The following NBAS variants were observed in gnomAD, a reference collection of about 807,000 sequenced individuals.
The protein encoded by NBAS is NBAS subunit of NRZ tethering complex, also known as NAG/BC035112 fusion.
In NBAS, 219 loss-of-function variants were observed where a neutral mutation model predicts 302.5. That is an observed-to-expected ratio of 0.72 (90% CI 0.65 to 0.81). The LOEUF is 0.81. NBAS is among the 30% of genes least tolerant of loss of function. The pLI, the probability that NBAS is intolerant of heterozygous loss-of-function variation, is 0.00. For synonymous variants in NBAS, 1,118 were observed against 1,021.6 expected, an observed-to-expected ratio of 1.09 and a Z score of -1.80; for missense variants, 2,932 against 2,841.6, an observed-to-expected ratio of 1.03 and a Z score of -0.72.
At chr2:15,278,110 C>T (rs1471471156) in intron 42 of NBAS, among the ~76,000 whole-genome samples, 2 of 152,108 alleles carry the variant, frequency 1.3e-5, no homozygotes, top group African/African-American at 2.4e-5. Flanking sequence ...AACTTGTTTA[C>T]TGAAAGTGCC....
intron 41 of NBAS, among the ~76,000 whole-genome samples, chr2:15,290,574 C>G (rs1366753534): frequency 6.6e-6 from 1 of 152,114 alleles, no homozygotes; most frequent in Non-Finnish European, 1.5e-5. Context: ...GAACATGGCA[C>G]CAAGGATTAC....
At chr2:15,098,590 A>ATGTATTATATATTG in the NBAS span, among the ~76,000 whole-genome samples, 1 of 115,974 alleles carries the variant, frequency 8.6e-6, no homozygotes, top group Non-Finnish European at 1.6e-5. Flanking sequence ...ATTATATATT[A>ATGTATTATATATTG]TATATATTAT....
At chr2:14,866,103 T>C in the NBAS span, among the ~76,000 whole-genome samples, 1 of 152,136 alleles carries the variant, frequency 6.6e-6, no homozygotes, top group East Asian at 1.9e-4. Context: ...TGACATCTAT[T>C]AGTTCACATC....
At chr2:15,485,456 T>C (rs184550221) in intron 12 of NBAS, among the ~76,000 whole-genome samples, 6 of 152,340 alleles carry the variant, frequency 3.9e-5, no homozygotes, top group African/African-American at 1.4e-4. Context: ...TTCTTCCACT[T>C]ATCTTTTTGT....
the NBAS span, among the ~76,000 whole-genome samples, chr2:15,098,341 A>C: frequency 1.6e-3 from 18 of 11,442 alleles, 2 homozygotes; most frequent in South Asian, 0.012. Flanking sequence ...ATTGTATATA[A>C]TATATAATAT....
At chr2:15,323,655 A>G (rs1429860127) in intron 38 of NBAS, among the ~76,000 whole-genome samples, 4 of 151,802 alleles carry the variant, frequency 2.6e-5, no homozygotes, top group Admixed American at 1.3e-4. Context: ...ACACGAGGAG[A>G]CTCTGTCTCT....
chr2:14,849,594 T>A, the NBAS span, among the ~76,000 whole-genome samples: 1 of 147,014 alleles, frequency 6.8e-6, no homozygotes, highest in Non-Finnish European at 1.5e-5. Context: ...ACAAAGATAC[T>A]CCTCGAGAAG....
intron 7 of NBAS, 59 bp downstream of exon 7, chr2:15,539,164 G>T: frequency 6.2e-7 from 1 of 1,601,552 alleles, no homozygotes; most frequent in Admixed American, 1.7e-5. Context: ...TTTTATTCAA[G>T]TACCTATACA....
chr2:14,920,104 A>G, the NBAS span, among the ~76,000 whole-genome samples: 1 of 152,226 alleles, frequency 6.6e-6, no homozygotes, highest in Non-Finnish European at 1.5e-5. Context: ...ATAAGACTTG[A>G]AAGTCAAAAT....
At chr2:14,782,759 T>C in the NBAS span, among the ~76,000 whole-genome samples, 2 of 152,262 alleles carry the variant, frequency 1.3e-5, no homozygotes, top group East Asian at 3.9e-4. Flanking sequence ...ATATACACCA[T>C]GGAATACTAC....
At chr2:15,544,884 G>A (rs1438561480) in intron 6 of NBAS, among the ~76,000 whole-genome samples, 2 of 151,994 alleles carry the variant, frequency 1.3e-5, no homozygotes, top group Non-Finnish European at 2.9e-5. Context: ...TGTGGTGCAC[G>A]CCTGTGATCC....
At chr2:15,027,683 A>AT in the NBAS span, among the ~76,000 whole-genome samples, 2 of 152,204 alleles carry the variant, frequency 1.3e-5, no homozygotes, top group Non-Finnish European at 2.9e-5. Context: ...AACGAAGGGA[A>AT]TAGTAGGCTT....
At chr2:14,993,886 A>G in the NBAS span, among the ~76,000 whole-genome samples, 1 of 152,236 alleles carries the variant, frequency 6.6e-6, no homozygotes, top group Admixed American at 6.5e-5. Flanking sequence ...ACACCAACAC[A>G]GTTCCATTCA....
intron 11 of NBAS, among the ~76,000 whole-genome samples, chr2:15,501,267 C>A (rs180845722): frequency 6.7e-6 from 1 of 149,636 alleles, no homozygotes; most frequent in Non-Finnish European, 1.5e-5. Context: ...GGCAACAGAG[C>A]GACACTCTGC....
chr2:15,453,882 G>A (rs937879417), intron 21 of NBAS, among the ~76,000 whole-genome samples: 10 of 151,984 alleles, frequency 6.6e-5, no homozygotes, highest in East Asian at 1.9e-4. Flanking sequence ...GGGGTCAAGC[G>A]ATTCTCCTGC....
chr2:15,157,535 C>G, the NBAS span, among the ~76,000 whole-genome samples: 1 of 152,338 alleles, frequency 6.6e-6, no homozygotes, highest in East Asian at 1.9e-4. Flanking sequence ...TGCTCCCCAC[C>G]ACCCAGAATT....
At chr2:15,423,799 T>A (rs774811879) in intron 23 of NBAS, among the ~76,000 whole-genome samples, 3 of 152,242 alleles carry the variant, frequency 2.0e-5, no homozygotes, top group Non-Finnish European at 4.4e-5. Flanking sequence ...ACTCTAAGGT[T>A]CAGTATAATC....
the NBAS span, among the ~76,000 whole-genome samples, chr2:15,032,314 A>G: frequency 2.0e-5 from 3 of 152,192 alleles, no homozygotes; most frequent in South Asian, 6.2e-4. Flanking sequence ...TTATGAAGAA[A>G]CTTTTAAAAG....
At chr2:14,869,132 TACTA>T in the NBAS span, among the ~76,000 whole-genome samples, 1 of 152,224 alleles carries the variant, frequency 6.6e-6, no homozygotes, top group African/African-American at 2.4e-5. Flanking sequence ...TTTTACAGTG[TACTA>T]ACTGCTATTG....
Sources: allele counts gnomAD v4.1 joint callset (sites outside exome capture counted in the v4.1 genomes callset), GRCh38; gene constraint gnomAD v4.1.1; transcripts MANE v1.5; gene names NCBI Gene and HGNC (gene_info 2026-07-23, HGNC 2026-07-21).